CSMD3: variants seen among roughly 807,000 people sequenced by gnomAD.
The protein encoded by CSMD3 is CUB and sushi domain-containing protein 3.
Under a neutral mutation model 435.2 loss-of-function variants are expected in CSMD3, and 177 were observed. The ratio of observed to expected loss-of-function variants is 0.41; its 90% confidence interval spans 0.36 to 0.46. CSMD3 has a LOEUF of 0.46. Among genes scored for constraint, CSMD3 ranks in the 20% least tolerant of loss-of-function variants. The pLI is 0.34. For missense variants in CSMD3, 4,265 were observed against 4,504.6 expected (o/e 0.95, Z 1.52); for synonymous variants, 1,656 against 1,520.5 (o/e 1.09, Z -2.07).
At chr8:112,944,010 T>A (rs2083529383) in intron 9 of CSMD3, among the ~76,000 whole-genome samples, 1 of 151,714 alleles carries the variant, frequency 6.6e-6, no homozygotes, top group Admixed American at 6.6e-5. Context: ...GTAGAAATTA[T>A]AAAACCAAGC....
intron 58 of CSMD3, among the ~76,000 whole-genome samples, chr8:112,284,608 T>A (rs1818991416): frequency 6.6e-6 from 1 of 152,022 alleles, no homozygotes; most frequent in Admixed American, 6.6e-5. Context: ...AACATAAAAT[T>A]GCTTAAGCAA....
At position 112,533,576 on chromosome 8, in the gene CSMD3, A is replaced by AAT. The variant is rs201571891; in HGVS notation, c.4565-16353_4565-16352dup. Among the ~76,000 whole-genome samples the AAT allele has an allele frequency of 4.3e-3, 660 of 151,872 alleles. 3 individuals carry two copies. Among genetic ancestry groups the AAT allele is most frequent in the African/African-American group, 0.015 (616 of 41,466 alleles). ...TTATCAAGAGGATATAACAATCATA[A>AAT]ATATATATATATGTACCCAATATCA... On this transcript the variant is annotated intron_variant, in intron 27 of 70. Coordinates refer to ENST00000297405, the MANE Select transcript of CSMD3 (RefSeq NM_198123.2).
chr8:112,390,529 A>G lies in CSMD3; in HGVS notation c.5934+135T>C, dbSNP rs976426509. 1.1e-5 allele frequency: 8 copies of G among 746,320 alleles called. No homozygotes were observed. The African/African-American group carries it at 1.2e-4, about 12-fold the overall frequency. 46.2% of individuals were successfully genotyped at this position (746,320 alleles called of 1,614,324 possible). On this transcript the variant is annotated intron_variant, in intron 36 of 70. Transcript: ENST00000297405. ...TCTACGTGAAAAAAATTAATAACAAATATCTTTCTATTCATTTCAACCATG... is the reference window on the plus strand; with the variant it reads ...TCTACGTGAAAAAAATTAATAACAAGTATCTTTCTATTCATTTCAACCATG...
intron 3 of CSMD3, among the ~76,000 whole-genome samples, chr8:113,240,492 T>G (rs2132240163): frequency 6.6e-6 from 1 of 152,280 alleles, no homozygotes; most frequent in East Asian, 1.9e-4. Flanking sequence ...TAAGTATTCC[T>G]TTTTATCCAC....
chr8:112,811,207 C>A lies in CSMD3; in HGVS notation c.1860-10933G>T, dbSNP rs192450319. 1.2e-3 allele frequency among the ~76,000 whole-genome samples: 185 copies of A among 151,784 alleles called. 1 individual carries two copies. The highest frequency in any genetic ancestry group is 4.2e-3 in the African/African-American group (172 of 41,438). On this transcript the variant is annotated intron_variant, in intron 12 of 70. Transcript: ENST00000297405. ...GCAATACACATAATTTAATAATTAT[C>A]GTGTTATAAAATAGTAACAAAAAAG...
chr8:113,141,377 G>GA (rs1226866168), intron 4 of CSMD3, among the ~76,000 whole-genome samples: 1 of 150,150 alleles, frequency 6.7e-6, no homozygotes, highest in Non-Finnish European at 1.5e-5. Context: ...CAAAAAAGAA[G>GA]AAAAAAACTA....
chr8:112,616,542 G>A (rs1195079902), intron 22 of CSMD3, among the ~76,000 whole-genome samples: 1 of 152,072 alleles, frequency 6.6e-6, no homozygotes, highest in Non-Finnish European at 1.5e-5. Flanking sequence ...TCAATCCAAT[G>A]TCTAATCCAA....
chr8:113,281,097 A>G (rs1004083751), intron 2 of CSMD3, among the ~76,000 whole-genome samples: 1 of 151,734 alleles, frequency 6.6e-6, no homozygotes, highest in Non-Finnish European at 1.5e-5. Flanking sequence ...CTACTGGTCT[A>G]TCTTGTAGAA....
chr8:113,144,293 T>C (rs1379821672), intron 4 of CSMD3, among the ~76,000 whole-genome samples: 1 of 151,376 alleles, frequency 6.6e-6, no homozygotes, highest in Non-Finnish European at 1.5e-5. Flanking sequence ...ATGTTTCCTT[T>C]TAGAGCTTGC....
chr8:112,975,144 CT>C (rs2084798515), intron 7 of CSMD3, among the ~76,000 whole-genome samples: 1 of 151,246 alleles, frequency 6.6e-6, no homozygotes, highest in South Asian at 2.1e-4. Flanking sequence ...CTTATATTAA[CT>C]GAGTAGAAAA....
intron 4 of CSMD3, among the ~76,000 whole-genome samples, chr8:113,140,839 A>G (rs896327611): frequency 6.6e-6 from 1 of 151,156 alleles, no homozygotes; most frequent in African/African-American, 2.4e-5. Context: ...TTCACACCTC[A>G]ACAACCTAAA....
At chr8:112,580,889 T>C (rs967632689) in intron 23 of CSMD3, among the ~76,000 whole-genome samples, 3 of 152,058 alleles carry the variant, frequency 2.0e-5, no homozygotes, top group African/African-American at 4.8e-5. Context: ...AATTGGCAAA[T>C]ACAGAATTGA....
At chr8:112,623,597 G>A (rs983412911) in intron 22 of CSMD3, among the ~76,000 whole-genome samples, 1 of 151,144 alleles carries the variant, frequency 6.6e-6, no homozygotes, top group African/African-American at 2.4e-5. Flanking sequence ...CATGTGCCAT[G>A]CTGGTGTGCT....
rs529361591 is a variant in CSMD3, at chr8:112,900,901, T to C, written c.1633+20726A>G. Among the ~76,000 whole-genome samples, 12 of 151,330 alleles carry C rather than the reference T, an allele frequency of 7.9e-5. No individual in the cohort carries two copies. The South Asian group carries it at 1.9e-3, about 24-fold the overall frequency. ...GGTAGAGGCTTCTGGCTGAGTATTA[T>C]AAGGTAGAATCAGAGATAGCCATCC... On this transcript the variant is annotated intron_variant, in intron 10 of 70. Transcript: ENST00000297405.
At chr8:113,180,611 T>A (rs1291862512) in intron 3 of CSMD3, among the ~76,000 whole-genome samples, 1 of 152,022 alleles carries the variant, frequency 6.6e-6, no homozygotes, top group African/African-American at 2.4e-5. Context: ...TTGCATTACC[T>A]CCTTGAGTAG....
At chr8:112,910,048 A>G (rs985363128) in intron 10 of CSMD3, among the ~76,000 whole-genome samples, 1 of 151,794 alleles carries the variant, frequency 6.6e-6, no homozygotes, top group Non-Finnish European at 1.5e-5. Context: ...TCCCTAAGAA[A>G]ACAGAGTGTC....
At chr8:112,262,098 G>T (rs2130361763) in intron 61 of CSMD3, among the ~76,000 whole-genome samples, 1 of 151,952 alleles carries the variant, frequency 6.6e-6, no homozygotes, top group East Asian at 1.9e-4. Flanking sequence ...TTCTAAACCT[G>T]AGGTCATTTA....
chr8:112,715,986 CT>C (rs1198118727), intron 13 of CSMD3, among the ~76,000 whole-genome samples: 1 of 152,152 alleles, frequency 6.6e-6, no homozygotes, highest in Admixed American at 6.6e-5. Context: ...TGGGCAAAAG[CT>C]GGAATCATTC....
intron 10 of CSMD3, among the ~76,000 whole-genome samples, chr8:112,865,689 CACA>C (rs1564040001): frequency 5.6e-4 from 11 of 19,818 alleles, no homozygotes; most frequent in Non-Finnish European, 1.1e-3. Context: ...ACATACCCCA[CACA>C]CACACACACA....
Sources: gnomAD v4.1 joint callset for allele counts (sites outside exome capture counted in the v4.1 genomes callset) on GRCh38, gnomAD v4.1.1 for gene constraint, MANE v1.5 for transcripts, NCBI Gene and HGNC (gene_info 2026-07-23, HGNC 2026-07-21) for gene names.